The following SCFD2 variants were observed in gnomAD, a reference collection of about 807,000 sequenced individuals.
The protein encoded by SCFD2 is sec1 family domain-containing protein 2.
SCFD2 carries 54 observed loss-of-function variants against 58.9 expected under a neutral mutation model. The observed-to-expected ratio is 0.92, with a 90% CI of 0.74 to 1.15. The LOEUF (loss-of-function observed/expected upper bound fraction) is 1.15. SCFD2 is among the 50% of genes most tolerant of loss of function. The pLI, the probability that SCFD2 is intolerant of heterozygous loss-of-function variation, is 0.00. For synonymous variants in SCFD2, 321 were observed against 335.9 expected (o/e 0.96, Z 0.49); for missense variants, 805 against 836.6 (o/e 0.96, Z 0.47).
intron 4 of SCFD2, among the ~76,000 whole-genome samples, chr4:53,247,301 T>TG (rs1410794042): frequency 6.6e-6 from 1 of 152,142 alleles, no homozygotes. Flanking sequence ...ACACTGTAGG[T>TG]GGGAGTGTAA....
In SCFD2 at chr4:53,224,225, C is replaced by T. The variant is rs192810737; in HGVS notation, c.1311+49601G>A. On this transcript the variant is annotated intron_variant, in intron 4 of 8. Coordinates refer to ENST00000401642, the MANE Select transcript of SCFD2 (RefSeq NM_152540.4). ...CCAACATGGTAAAACCCCATGTCTA[C>T]TAAAAATACAAAAATTACCCAGGCG... Among the ~76,000 whole-genome samples the T allele has an allele frequency of 1.9e-3, 285 of 152,136 alleles. 2 individuals carry two copies. The South Asian group carries it at 0.026, about 14-fold the overall frequency.
chr4:53,041,055 T>C (rs1722886373), intron 5 of SCFD2, among the ~76,000 whole-genome samples: 1 of 152,208 alleles, frequency 6.6e-6, no homozygotes, highest in Non-Finnish European at 1.5e-5. Flanking sequence ...CATATTTTCA[T>C]AAAGACTTTT....
At chr4:53,297,260 T>A (rs560902812) in intron 3 of SCFD2, among the ~76,000 whole-genome samples, 4 of 152,188 alleles carry the variant, frequency 2.6e-5, no homozygotes, top group Admixed American at 2.6e-4. Context: ...CCACTATTAT[T>A]GTGTGGGAGT....
chr4:53,290,651 G>GA (rs1220249664), intron 3 of SCFD2, among the ~76,000 whole-genome samples: 1 of 150,554 alleles, frequency 6.6e-6, no homozygotes, highest in African/African-American at 2.4e-5. Flanking sequence ...AAAAACCATG[G>GA]AAAAAATAAT....
intron 6 of SCFD2, among the ~76,000 whole-genome samples, chr4:52,917,892 C>T (rs1719645379): frequency 2.0e-5 from 3 of 152,196 alleles, no homozygotes; most frequent in African/African-American, 2.4e-5. Context: ...TAAGAGGTGC[C>T]TCTAGTCCTA....
rs761161988 is a variant in SCFD2, at chr4:53,229,899, TACAATGA to T, written c.1311+43920_1311+43926del. 3.1e-4 allele frequency among the ~76,000 whole-genome samples: 47 copies of T among 152,090 alleles called. 1 individual carries two copies. The highest frequency in any genetic ancestry group is 5.9e-4 in the Non-Finnish European group (40 of 68,038). On this transcript the variant is annotated intron_variant, in intron 4 of 8. Transcript: ENST00000401642. ...TGACAAAGGGCTAATATCCAGAATC[TACAATGA>T]ACTCAAACAAATTTACAAGAAAAAA...
At chr4:53,342,436 A>T (rs964417268) in intron 2 of SCFD2, among the ~76,000 whole-genome samples, 1 of 152,230 alleles carries the variant, frequency 6.6e-6, no homozygotes, top group African/African-American at 2.4e-5. Flanking sequence ...CACCCAATAC[A>T]GGAGCACCCA....
chr4:53,273,857 T>C lies in SCFD2; in HGVS notation c.1280A>G (p.Asn427Ser), dbSNP rs755983150. Residue 427 changes from asparagine to serine, a missense_variant, in exon 4 of 9, where the codon AAC (asparagine) becomes AGC (serine). Transcript: ENST00000401642. ...LKHPQTAKWD[N>S]FLAFERLLLQ... ...AAGGAGCCTTTCAAAAGCCAGAAAG[T>C]TGTCCCACTTGGCAGTCTGTGGGTG... 5 of 1,613,640 alleles carry C rather than the reference T, an allele frequency of 3.1e-6. No individual in the cohort carries two copies. Among genetic ancestry groups the C allele is most frequent in the South Asian group, 2.2e-5 (2 of 90,902 alleles).
chr4:53,326,792 G>T lies in SCFD2; in HGVS notation c.1008-13029C>A, dbSNP rs189501763. On this transcript the variant is annotated intron_variant, in intron 2 of 8. Coordinates refer to ENST00000401642, the MANE Select transcript of SCFD2 (RefSeq NM_152540.4). ...GGTGTCCTAAAGATGTGGTTAGCAA[G>T]TTGATTTTCATAGGTCCACAGGTGA... Among the ~76,000 whole-genome samples, 137 of 152,220 alleles carry T rather than the reference G, an allele frequency of 9.0e-4. 1 individual carries two copies. In the East Asian group the frequency reaches 0.024, roughly 26 times the overall value.
intron 1 of SCFD2, among the ~76,000 whole-genome samples, chr4:53,363,808 CAG>C (rs1213196877): frequency 1.7e-5 from 2 of 115,644 alleles, no homozygotes; most frequent in Non-Finnish European, 3.3e-5. Flanking sequence ...GCCTGGGCGA[CAG>C]AGAGAGACTC....
At chr4:53,358,937 A>C (rs1354073514) in intron 1 of SCFD2, among the ~76,000 whole-genome samples, 1 of 152,178 alleles carries the variant, frequency 6.6e-6, no homozygotes, top group East Asian at 1.9e-4. Context: ...CTTCTCAAAC[A>C]ATTACAACTT....
intron 1 of SCFD2, among the ~76,000 whole-genome samples, chr4:53,357,329 T>C (rs1320026913): frequency 6.6e-6 from 1 of 152,030 alleles, no homozygotes; most frequent in Non-Finnish European, 1.5e-5. Context: ...CTCAGGAGGC[T>C]GAGGCACAAG....
At chr4:53,203,766 T>C (rs1728323550) in intron 4 of SCFD2, among the ~76,000 whole-genome samples, 1 of 152,088 alleles carries the variant, frequency 6.6e-6, no homozygotes, top group Non-Finnish European at 1.5e-5. Flanking sequence ...TATTCTAAAA[T>C]TGGGAGGGAA....
rs1008758356 is a variant in SCFD2, at chr4:52,879,536, C to T, written c.1963-5475G>A. ...ATAACTTGACATCAAAAAAATATAT[C>T]GACTGACTGTGAGATGGGGTGGAGG... On this transcript the variant is annotated intron_variant, in intron 8 of 8. Coordinates refer to ENST00000401642, the MANE Select transcript of SCFD2 (RefSeq NM_152540.4). Among the ~76,000 whole-genome samples the T allele has an allele frequency of 9.2e-5, 14 of 152,282 alleles. 1 individual carries two copies. The South Asian group carries it at 1.5e-3, about 16-fold the overall frequency.
chr4:53,144,270 G>A (rs1726252687), intron 5 of SCFD2, among the ~76,000 whole-genome samples: 1 of 150,962 alleles, frequency 6.6e-6, no homozygotes, highest in South Asian at 2.1e-4. Flanking sequence ...AACACAGTGA[G>A]GCCCCATCTC....
chr4:53,175,132 T>C (rs1463734651), intron 4 of SCFD2, among the ~76,000 whole-genome samples: 2 of 152,168 alleles, frequency 1.3e-5, no homozygotes, highest in East Asian at 1.9e-4. Flanking sequence ...AATACAGAAC[T>C]AATAAGGTAC....
chr4:53,145,531 T>C lies in SCFD2; in HGVS notation c.1363A>G (p.Ile455Val). Residue 455 changes from isoleucine to valine, a missense_variant, in exon 5 of 9, where the codon ATT becomes GTT. Ile to Val is a conservative substitution (Grantham distance 29). Around this residue, in one of 3 missense-constraint regions of SCFD2, gnomAD observed 633 missense variants for 646.8 expected, o/e 0.98. Transcript: ENST00000401642. ...TTGGTTCTCTGGGTTACAGGCTTAA[T>C]CATGGGCAGCAGCTGATTTAACACA... ...SVVLNQLLPM[I>V]KPVTQRTNED... 6.2e-7 allele frequency: 1 copy of C among 1,614,118 alleles called. No individual in the cohort carries two copies. Among genetic ancestry groups the C allele is most frequent in the South Asian group, 1.1e-5 (1 of 91,080 alleles).
intron 4 of SCFD2, among the ~76,000 whole-genome samples, chr4:53,231,088 T>A (rs1577870402): frequency 6.6e-6 from 1 of 152,084 alleles, no homozygotes; most frequent in African/African-American, 2.4e-5. Context: ...ATTATAGGTA[T>A]ATGCATAAGG....
intron 5 of SCFD2, among the ~76,000 whole-genome samples, chr4:53,126,469 C>T (rs941632326): frequency 6.6e-6 from 1 of 152,162 alleles, no homozygotes; most frequent in Non-Finnish European, 1.5e-5. Flanking sequence ...GCATGTGCCA[C>T]CATGCCCAGC....
Sources: gnomAD v4.1 joint callset for allele counts (sites outside exome capture counted in the v4.1 genomes callset) on GRCh38, gnomAD v4.1.1 for gene constraint, gnomAD v4.1.1 regional missense constraint, MANE v1.5 for transcripts, NCBI Gene and HGNC (gene_info 2026-07-23, HGNC 2026-07-21) for gene names.